The following STK33 variants were observed in gnomAD, a reference collection of about 807,000 sequenced individuals.
STK33 encodes serine/threonine kinase 33.
In STK33, 52 loss-of-function variants were observed where a neutral mutation model predicts 58.0. That is an observed-to-expected ratio of 0.90 (90% CI 0.72 to 1.13). STK33 has a LOEUF of 1.13. STK33 is among the 50% of genes most tolerant of loss of function. STK33 has a pLI of 0.00. For missense variants in STK33, 630 were observed against 604.2 expected, an observed-to-expected ratio of 1.04 and a Z score of -0.45; for synonymous variants, 215 against 200.1, an observed-to-expected ratio of 1.07 and a Z score of -0.63.
At chr11:8,413,382 C>T (rs768021826) in intron 15 of STK33, 113 bp downstream of exon 15, 309 of 1,148,786 alleles carry the variant, frequency 2.7e-4, no homozygotes, top group Middle Eastern at 1.0e-3. Flanking sequence ...TGCTATATAA[C>T]GCTCGGCCTT....
chr11:8,546,603 C>G lies in STK33; in HGVS notation c.-466+47480G>C, dbSNP rs143663125. ...CTCTCTTCATCCCCCCCACCCTACCCTGCTCAGCTCCTTGGAACCATCAGT... is the reference window on the plus strand; with the variant it reads ...CTCTCTTCATCCCCCCCACCCTACCGTGCTCAGCTCCTTGGAACCATCAGT... On this transcript the variant is annotated intron_variant, in intron 1 of 15. Coordinates refer to ENST00000687296, the MANE Select transcript of STK33 (RefSeq NM_001352389.2). Among the ~76,000 whole-genome samples the G allele has an allele frequency of 7.6e-4, 116 of 151,740 alleles. 1 individual carries two copies. In the East Asian group the frequency reaches 0.022, roughly 28 times the overall value.
the STK33 span, among the ~76,000 whole-genome samples, chr11:8,372,236 G>C: frequency 2.6e-5 from 4 of 152,182 alleles, no homozygotes; most frequent in Non-Finnish European, 4.4e-5. Flanking sequence ...CATGAGCTTG[G>C]TGTTGCTGCA....
At chr11:8,422,544 T>C (rs953653651) in intron 14 of STK33, among the ~76,000 whole-genome samples, 1 of 152,192 alleles carries the variant, frequency 6.6e-6, no homozygotes, top group Non-Finnish European at 1.5e-5. Flanking sequence ...GAAAGTATGG[T>C]AGAACTCTAA....
chr11:8,475,532 T>C (rs754505550), intron 4 of STK33: 3 of 152,182 alleles, frequency 2.0e-5, no homozygotes, highest in Non-Finnish European at 4.4e-5. Flanking sequence ...CAAATTCCTA[T>C]TACATACTTT....
chr11:8,562,205 TA>T (rs1265488918), intron 1 of STK33, among the ~76,000 whole-genome samples: 1 of 152,234 alleles, frequency 6.6e-6, no homozygotes, highest in Non-Finnish European at 1.5e-5. Flanking sequence ...TTTGGTTTGC[TA>T]ATTTATTAGT....
chr11:8,406,657 A>AT (rs1237963840), intron 15 of STK33, among the ~76,000 whole-genome samples: 1 of 152,104 alleles, frequency 6.6e-6, no homozygotes, highest in Non-Finnish European at 1.5e-5. Flanking sequence ...TTATTTCCCA[A>AT]TTGTTCACTG....
chr11:8,415,882 G>C (rs1334090722), intron 14 of STK33, among the ~76,000 whole-genome samples: 1 of 152,102 alleles, frequency 6.6e-6, no homozygotes, highest in Non-Finnish European at 1.5e-5. Context: ...AACAGCATTA[G>C]TCCCCCAAGA....
intron 1 of STK33, among the ~76,000 whole-genome samples, chr11:8,531,887 C>G (rs1025477409): frequency 6.6e-6 from 1 of 152,166 alleles, no homozygotes; most frequent in Non-Finnish European, 1.5e-5. Context: ...AAATAATTTT[C>G]TAGCAAAATG....
chr11:8,351,787 C>T, the STK33 span, among the ~76,000 whole-genome samples: 2 of 152,176 alleles, frequency 1.3e-5, no homozygotes, highest in African/African-American at 2.4e-5. Context: ...ACCTCGGCCT[C>T]GCACTCCTGG....
Position 8,551,112 on chromosome 11 carries a change from T to C in STK33, c.-466+42971A>G, listed in dbSNP as rs534254493. Among the ~76,000 whole-genome samples, 21 of 152,254 alleles carry C rather than the reference T, an allele frequency of 1.4e-4. 1 individual carries two copies. The South Asian group carries it at 4.3e-3, about 32-fold the overall frequency. On this transcript the variant is annotated intron_variant, in intron 1 of 15. Coordinates refer to ENST00000687296, the MANE Select transcript of STK33 (RefSeq NM_001352389.2). ...CAGGCAAAACGACTCCCTGAAATTA[T>C]TTAAGTCAGTTATTCTGAATAATTT...
intron 9 of STK33, 42 bp downstream of exon 9, chr11:8,457,299 T>C (rs1946976082): frequency 2.7e-6 from 4 of 1,461,720 alleles, no homozygotes; most frequent in Admixed American, 1.9e-5. Flanking sequence ...AAAGTGACAT[T>C]AGTATTCATG....
intron 1 of STK33, among the ~76,000 whole-genome samples, chr11:8,483,895 T>C (rs1463809986): frequency 6.6e-6 from 1 of 152,174 alleles, no homozygotes; most frequent in East Asian, 1.9e-4. Flanking sequence ...TATACATATA[T>C]ACACACAAAT....
At chr11:8,334,853 G>A in the STK33 span, among the ~76,000 whole-genome samples, 1 of 152,128 alleles carries the variant, frequency 6.6e-6, no homozygotes, top group African/African-American at 2.4e-5. Context: ...TTCCATCTAT[G>A]CAGTCACACA....
chr11:8,389,785 C>A (rs1848592713), downstream of STK33, among the ~76,000 whole-genome samples: 1 of 152,134 alleles, frequency 6.6e-6, no homozygotes. Context: ...CTGGCCCCCA[C>A]CCAACCCCCG....
chr11:8,401,565 G>T (rs1416086933), intron 15 of STK33, among the ~76,000 whole-genome samples: 2 of 152,130 alleles, frequency 1.3e-5, no homozygotes, highest in Non-Finnish European at 2.9e-5. Context: ...CATGGGCAAG[G>T]ACTTCATGTC....
chr11:8,510,477 T>C (rs72853435), intron 1 of STK33, among the ~76,000 whole-genome samples: 55 of 152,304 alleles, frequency 3.6e-4, no homozygotes, highest in Non-Finnish European at 7.1e-4. Context: ...TGATTATTTT[T>C]TTGGTAGTGT....
chr11:8,577,460 T>C (rs1465732818), intron 1 of STK33, among the ~76,000 whole-genome samples: 1 of 152,170 alleles, frequency 6.6e-6, no homozygotes, highest in South Asian at 2.1e-4. Context: ...TTAGTATTTA[T>C]GCTACATGCT....
At chr11:8,358,581 T>C in the STK33 span, among the ~76,000 whole-genome samples, 1 of 151,886 alleles carries the variant, frequency 6.6e-6, no homozygotes, top group Admixed American at 6.6e-5. Context: ...GTTGTAGAGG[T>C]CATCCAGGTA....
intron 1 of STK33, among the ~76,000 whole-genome samples, chr11:8,497,165 T>TA (rs1565195706): frequency 6.6e-6 from 1 of 151,830 alleles, no homozygotes; most frequent in African/African-American, 2.4e-5. Flanking sequence ...AGAAGAAACA[T>TA]AAAGGGGAAG....
Sources: gnomAD v4.1 joint callset for allele counts (sites outside exome capture counted in the v4.1 genomes callset) on GRCh38, gnomAD v4.1.1 for gene constraint, MANE v1.5 for transcripts, NCBI Gene and HGNC (gene_info 2026-07-23, HGNC 2026-07-21) for gene names.